Variants in GPN3 observed in about 807,000 individuals in gnomAD.
GPN3 encodes ATP-binding domain 1 family member C.
Under a neutral mutation model 38.7 loss-of-function variants are expected in GPN3, and 31 were observed. The observed-to-expected ratio is 0.80, with a 90% confidence interval of 0.60 to 1.08. The LOEUF is 1.08. GPN3 is among the 50% of genes least tolerant of loss of function. The pLI is 0.00. For synonymous variants in GPN3, 116 were observed against 120.2 expected (o/e 0.96, Z 0.23); for missense variants, 301 against 354.4 (o/e 0.85, Z 1.21).
At chr12:110,457,429 G>C in intron 4 of GPN3, 81 bp downstream of exon 4, 1 of 1,213,832 alleles carries the variant, frequency 8.2e-7, no homozygotes, top group Non-Finnish European at 1.1e-6. Flanking sequence ...TCCAGCCTAG[G>C]CAACAGAGTA....
At chr12:110,468,578 C>T, upstream of GPN3, 1 of 1,537,244 alleles carries the variant, frequency 6.5e-7, no homozygotes, top group Non-Finnish European at 8.7e-7. Context: ...TCGCGATTTG[C>T]AAATGTGCTG....
chr12:110,468,695 C>T, upstream of GPN3: 3 of 1,520,982 alleles, frequency 2.0e-6, no homozygotes, highest in Non-Finnish European at 2.6e-6. Context: ...TGCAAACGCT[C>T]AGCGACCGCA....
chr12:110,454,406 G>T (rs1472321580), intron 6 of GPN3, among the ~76,000 whole-genome samples: 1 of 149,182 alleles, frequency 6.7e-6, no homozygotes, highest in African/African-American at 2.5e-5. Flanking sequence ...TTTTTTTTGG[G>T]GAGACAGAGT....
upstream of GPN3, chr12:110,468,669 CAG>C (rs2062656375): frequency 2.6e-6 from 4 of 1,536,102 alleles, no homozygotes; most frequent in Admixed American, 5.9e-5. Flanking sequence ...ACTGCTTCCA[CAG>C]AGAGGTGCAA....
chr12:110,461,000 A>G, intron 2 of GPN3: 1 of 1,543,348 alleles, frequency 6.5e-7, no homozygotes, highest in East Asian at 2.2e-5. Context: ...GGCTCCTGCA[A>G]AGAAGGGTGG....
chr12:110,461,398 A>T, intron 2 of GPN3: 5 of 521,598 alleles, frequency 9.6e-6, no homozygotes, highest in East Asian at 3.6e-5. Flanking sequence ...AAGTTATAAA[A>T]TTGAAAAAAA....
Position 110,459,960 on chromosome 12 carries a change from C to T in GPN3, c.158-98G>A, listed in dbSNP as rs530948664. On this transcript the variant is annotated intron_variant, in intron 2 of 7. Transcript: ENST00000228827. ...TAAAAGTTAATAATTACATAAAAAA[C>T]CCATATGCAGGAAATTATTTATGTA... is the stretch of plus-strand genomic sequence containing the variant. 6.0e-5 allele frequency: 58 copies of T among 966,276 alleles called. 1 individual carries two copies. The East Asian group carries it at 1.3e-3, about 22-fold the overall frequency. 59.9% of individuals were successfully genotyped at this position (966,276 alleles called of 1,614,324 possible).
At chr12:110,453,221 G>T in intron 7 of GPN3, 125 bp from the exon 8 acceptor site, 1 of 553,090 alleles carries the variant, frequency 1.8e-6, no homozygotes, top group Non-Finnish European at 3.2e-6. Context: ...AGCTCCAGGT[G>T]CTGCTTATAG....
intron 3 of GPN3, among the ~76,000 whole-genome samples, chr12:110,459,149 G>A (rs2062569283): frequency 6.6e-6 from 1 of 152,164 alleles, no homozygotes. Context: ...TCTGCCAAAT[G>A]TGAGCTCCAT....
intron 2 of GPN3, among the ~76,000 whole-genome samples, chr12:110,462,073 G>A (rs1313772873): frequency 6.6e-6 from 1 of 152,080 alleles, no homozygotes; most frequent in Non-Finnish European, 1.5e-5. Flanking sequence ...GAACTCCTGG[G>A]TTCAGGCCAT....
chr12:110,453,483 A>G (rs148740797), intron 7 of GPN3, among the ~76,000 whole-genome samples: 6 of 152,306 alleles, frequency 3.9e-5, no homozygotes, highest in African/African-American at 1.2e-4. Flanking sequence ...GGGCAGCCCA[A>G]TTTCACCTCC....
At chr12:110,463,446 T>C (rs1370383415) in intron 2 of GPN3, among the ~76,000 whole-genome samples, 1 of 150,832 alleles carries the variant, frequency 6.6e-6, no homozygotes, top group Non-Finnish European at 1.5e-5. Flanking sequence ...AGTGAGACCT[T>C]GTCTCAAAAA....
rs750437432 is a variant in GPN3 at position 110,465,231 on chromosome 12, C to A, written c.49-17G>T. 2 of 1,415,218 alleles carry A rather than the reference C, an allele frequency of 1.4e-6. No individual in the cohort carries two copies. Among genetic ancestry groups the A allele is most frequent in the Non-Finnish European group, 1.0e-6 (1 of 998,014 alleles). The allele number at this position is 1,415,218 out of a possible 1,614,324, so 87.7% of individuals were successfully genotyped here. On this transcript the variant is annotated splice_polypyrimidine_tract_variant and intron_variant, in intron 1 of 7. Coordinates refer to ENST00000228827, the MANE Select transcript of GPN3 (RefSeq NM_016301.4). ...GTAGGTGCTCTGTAATGTCACAAGGCATGAGAGGTTAAAGCAACAGGTAGT... is the reference window on the plus strand; with the variant it reads ...GTAGGTGCTCTGTAATGTCACAAGGAATGAGAGGTTAAAGCAACAGGTAGT...
chr12:110,459,100 A>G (rs1471423730), intron 3 of GPN3, among the ~76,000 whole-genome samples: 1 of 152,216 alleles, frequency 6.6e-6, no homozygotes, highest in African/African-American at 2.4e-5. Flanking sequence ...TGAATATTAA[A>G]TAATCATTTG....
intron 2 of GPN3, among the ~76,000 whole-genome samples, chr12:110,463,782 CAA>C (rs780635794): frequency 7.8e-5 from 9 of 115,894 alleles, no homozygotes; most frequent in Non-Finnish European, 9.4e-5. Flanking sequence ...GACCCTGTCT[CAA>C]AAAAAAAAAA....
At chr12:110,468,017 T>C in intron 1 of GPN3, 139 bp downstream of exon 1, 4 of 1,181,068 alleles carry the variant, frequency 3.4e-6, no homozygotes, top group Non-Finnish European at 5.1e-6. Context: ...AAAAAGAACG[T>C]GAAGCCAGAC....
At chr12:110,462,695 C>T (rs951706519) in intron 2 of GPN3, among the ~76,000 whole-genome samples, 2 of 152,122 alleles carry the variant, frequency 1.3e-5, no homozygotes, top group Non-Finnish European at 2.9e-5. Flanking sequence ...TCAAGCGATT[C>T]CCCTGTCTCA....
At chr12:110,468,058 T>A in intron 1 of GPN3, 98 bp downstream of exon 1, 1 of 1,554,846 alleles carries the variant, frequency 6.4e-7, no homozygotes. Flanking sequence ...GGTCTCAGGG[T>A]TCCCAGTACA....
In GPN3 at chr12:110,461,471, G is replaced by A. The variant is rs1260619233; in HGVS notation, c.158-1609C>T. 3 of 516,964 alleles carry A rather than the reference G, an allele frequency of 5.8e-6. No homozygotes were observed. The East Asian group carries it at 9.9e-5, about 17-fold the overall frequency. 32.0% of individuals were successfully genotyped at this position (516,964 alleles called of 1,614,324 possible). On this transcript the variant is annotated intron_variant, in intron 2 of 7. Transcript: ENST00000228827. ...AAAAATTAGTCAGGTGTGCTGGCAT[G>A]TGCCTGTAATCCCAGCTGCTCGGGA...
Sources: allele counts gnomAD v4.1 joint callset (sites outside exome capture counted in the v4.1 genomes callset), GRCh38; gene constraint gnomAD v4.1.1; transcripts MANE v1.5; gene names NCBI Gene and HGNC (gene_info 2026-07-23, HGNC 2026-07-21).